The following SPDL1 variants were observed in gnomAD, a reference collection of about 807,000 sequenced individuals.
The protein encoded by SPDL1 is spindle apparatus coiled-coil protein 1.
A neutral mutation model predicts 79.5 loss-of-function variants in SPDL1; 85 were observed. The observed-to-expected ratio is 1.07, with a 90% confidence interval of 0.90 to 1.28. The LOEUF (loss-of-function observed/expected upper bound fraction) is 1.28, where lower values mean the gene tolerates loss of function less well. SPDL1 is among the 50% of genes most tolerant of loss of function. The pLI, the probability that SPDL1 is intolerant of heterozygous loss-of-function variation, is 0.00. For missense variants in SPDL1, 703 were observed against 697.8 expected, an observed-to-expected ratio of 1.01 and a Z score of -0.08; for synonymous variants, 269 against 240.3, an observed-to-expected ratio of 1.12 and a Z score of -1.10.
chr5:169,595,586 A>G (rs942231692), intron 7 of SPDL1: 5 of 152,184 alleles, frequency 3.3e-5, no homozygotes, highest in Non-Finnish European at 7.4e-5. Context: ...TTAATGAACA[A>G]CAGCTGTGAA....
intron 1 of SPDL1, among the ~76,000 whole-genome samples, chr5:169,587,894 T>C (rs1755068700): frequency 6.6e-6 from 1 of 152,116 alleles, no homozygotes; most frequent in Non-Finnish European, 1.5e-5. Context: ...TTTCTATTGA[T>C]TGATTGATTG....
intron 8 of SPDL1, among the ~76,000 whole-genome samples, chr5:169,597,936 G>C (rs1755675205): frequency 6.6e-6 from 1 of 151,844 alleles, no homozygotes; most frequent in Admixed American, 6.6e-5. Context: ...ACCTGAAATT[G>C]TTTCAAGTTT....
At chr5:169,598,420 T>G in intron 8 of SPDL1, 56 bp from the exon 9 acceptor site, 1 of 1,119,172 alleles carries the variant, frequency 8.9e-7, no homozygotes, top group South Asian at 1.3e-5. Context: ...TTAATAAACA[T>G]ACACTAACCT....
rs1037196148 is a variant in SPDL1, at chr5:169,598,516, C to G, written c.1073C>G (p.Ser358Cys). ...DSMESKPSVD[S>C]GTLEDNTYYT... is the part of the protein sequence containing the mutation. ...ATGGAATCTAAGCCTTCAGTCGACTCTGGTACTCTGGAAGATAACACCTAT... is the reference window on the plus strand; with the variant it reads ...ATGGAATCTAAGCCTTCAGTCGACTGTGGTACTCTGGAAGATAACACCTAT... Residue 358 changes from serine to cysteine, a missense_variant, in exon 9 of 12, where the codon TCT (serine) becomes TGT (cysteine). Ser to Cys is a moderately radical substitution (Grantham distance 112). Coordinates refer to ENST00000265295, the MANE Select transcript of SPDL1 (RefSeq NM_017785.5). 7 of 1,613,138 alleles carry G rather than the reference C, an allele frequency of 4.3e-6. No homozygotes were observed. Among genetic ancestry groups the G allele is most frequent in the Non-Finnish European group, 5.1e-6 (6 of 1,179,432 alleles).
chr5:169,592,359 A>C (rs10076196), intron 3 of SPDL1, among the ~76,000 whole-genome samples: 98,233 of 150,888 alleles, frequency 0.65, 32,270 homozygotes, highest in East Asian at 0.73. Flanking sequence ...CTGGGATTAC[A>C]GGTGTGCGCC....
At position 169,596,570 on chromosome 5, in the gene SPDL1, G is replaced by T. The variant is rs149818046; in HGVS notation, c.901G>T (p.Ala301Ser). ...EQMQRMKLQI[A>S]TLLQMKGSQT... ...AATTTTATTTTTCTAGTTACAAATT[G>T]CCACGTTGCTACAGATGAAAGGGTC... The change falls in exon 8 of 12, where the codon GCC becomes TCC. Residue 301 changes from alanine to serine, a missense_variant. Ala to Ser is a moderately conservative substitution (Grantham distance 99). Transcript: ENST00000265295. 6.6e-5 allele frequency: 107 copies of T among 1,609,248 alleles called. No individual in the cohort carries two copies. The highest frequency in any genetic ancestry group is 8.7e-5 in the Non-Finnish European group (102 of 1,178,518).
At chr5:169,590,854 A>G (rs1402125823) in intron 2 of SPDL1, 194 bp from the exon 3 acceptor site, 2 of 636,924 alleles carry the variant, frequency 3.1e-6, no homozygotes, top group African/African-American at 1.8e-5. Flanking sequence ...GGTTTAACAT[A>G]GTTTCGAAAT....
rs371615505 is a variant in SPDL1 at position 169,591,138 on chromosome 5, A to C, written c.250A>C (p.Lys84Gln). ...ESLSCECEAI[K>Q]QQQKMHLEKL... ...TTTGAGCTGCGAATGTGAAGCTATT[A>C]AACAACAACAAAAAATGCACCTGGA... The change falls in exon 3 of 12, where the codon AAA (lysine) becomes CAA (glutamine). Residue 84 changes from lysine (K) to glutamine (Q), a missense_variant. Physicochemically the swap from Lys to Gln is moderately conservative, Grantham distance 53 (BLOSUM62 1). Coordinates refer to ENST00000265295, the MANE Select transcript of SPDL1 (RefSeq NM_017785.5). 2 of 1,613,968 alleles carry C rather than the reference A, an allele frequency of 1.2e-6. No individual in the cohort carries two copies. The highest frequency in any genetic ancestry group is 1.7e-6 in the Non-Finnish European group (2 of 1,179,992).
chr5:169,588,493 A>G lies in SPDL1; in HGVS notation c.77A>G (p.Tyr26Cys). 6.2e-7 allele frequency: 1 copy of G among 1,613,968 alleles called. No individual in the cohort carries two copies. Among genetic ancestry groups the G allele is most frequent in the Non-Finnish European group, 8.5e-7 (1 of 1,179,876 alleles). ...GAAGAGCGACTAAAAGCTGCACAGT[A>G]TGGTTTACAACTAGTAGAGAGTCAA... ...AEEERLKAAQ[Y>C]GLQLVESQNE... The change falls in exon 2 of 12, where the codon TAT (tyrosine) becomes TGT (cysteine). Residue 26 changes from tyrosine (Y) to cysteine (C), a missense_variant. By Grantham distance (194) the Tyr-to-Cys change is radical (BLOSUM62 -2). Coordinates refer to ENST00000265295, the MANE Select transcript of SPDL1 (RefSeq NM_017785.5).
intron 2 of SPDL1, among the ~76,000 whole-genome samples, chr5:169,589,205 A>C (rs367628996): frequency 4.6e-5 from 7 of 152,304 alleles, no homozygotes; most frequent in East Asian, 1.9e-4. Flanking sequence ...ACTAGACTAC[A>C]AAGCATGTAT....
chr5:169,586,277 T>TAGC (rs1754981842), intron 1 of SPDL1: 1 of 152,268 alleles, frequency 6.6e-6, no homozygotes, highest in South Asian at 2.1e-4. Context: ...TTAATTGCCT[T>TAGC]AGCAGCAGCA....
At chr5:169,601,140 A>C in intron 10 of SPDL1, 140 bp from the exon 11 acceptor site, 1 of 663,908 alleles carries the variant, frequency 1.5e-6, no homozygotes, top group Non-Finnish European at 2.6e-6. Context: ...GGTAGAAACA[A>C]AGGATGCATT....
At chr5:169,590,560 C>T (rs1172208470) in intron 2 of SPDL1, among the ~76,000 whole-genome samples, 7 of 152,228 alleles carry the variant, frequency 4.6e-5, no homozygotes, top group Non-Finnish European at 8.8e-5. Flanking sequence ...GCTCTGCATT[C>T]ATTCTGATAG....
At chr5:169,593,715 C>T (rs1414396732) in intron 4 of SPDL1, among the ~76,000 whole-genome samples, 167 bp downstream of exon 4, 2 of 152,010 alleles carry the variant, frequency 1.3e-5, no homozygotes, top group Non-Finnish European at 2.9e-5. Context: ...TGGATGACTT[C>T]ATTCATAATA....
At chr5:169,598,301 A>G (rs1354768237) in intron 8 of SPDL1, among the ~76,000 whole-genome samples, 175 bp from the exon 9 acceptor site, 1 of 152,154 alleles carries the variant, frequency 6.6e-6, no homozygotes, top group Non-Finnish European at 1.5e-5. Flanking sequence ...CTTATCTGTA[A>G]GAGAGGAATG....
intron 8 of SPDL1, 84 bp from the exon 9 acceptor site, chr5:169,598,392 G>A: frequency 1.2e-6 from 1 of 842,196 alleles, no homozygotes. Flanking sequence ...ATAAATTCAG[G>A]AAGTGATGGT....
intron 11 of SPDL1, chr5:169,601,840 T>A: frequency 3.1e-6 from 2 of 637,750 alleles, no homozygotes; most frequent in Admixed American, 2.5e-5. Context: ...GCAATCACAT[T>A]AAAAAGTTAC....
chr5:169,598,346 T>G lies in SPDL1; in HGVS notation c.1033-130T>G, dbSNP rs192234646. 27 of 587,508 alleles carry G rather than the reference T, an allele frequency of 4.6e-5. No individual in the cohort carries two copies. The African/African-American group carries it at 4.9e-4, about 11-fold the overall frequency. The allele number at this position is 587,508 out of a possible 1,614,324, so 36.4% of individuals were successfully genotyped here. ...TACCTACTTCAGAAGGCAGATAAATTAAATGGGTAGTTCTTAGCGTAGTAC... is the reference window on the plus strand; with the variant it reads ...TACCTACTTCAGAAGGCAGATAAATGAAATGGGTAGTTCTTAGCGTAGTAC... On this transcript the variant is annotated intron_variant, in intron 8 of 11. Coordinates refer to ENST00000265295, the MANE Select transcript of SPDL1 (RefSeq NM_017785.5).
Position 169,601,765 on chromosome 5 carries a change from T to A in SPDL1, c.1670+140T>A, listed in dbSNP as rs973591954. The A allele has an allele frequency of 4.8e-6, 4 of 833,718 alleles. No individual in the cohort carries two copies. In the African/African-American group the frequency reaches 6.7e-5, roughly 14 times the overall value. 51.6% of individuals were successfully genotyped at this position (833,718 alleles called of 1,614,324 possible). ...AATTCCTCAGTTTCATCTACCTACC[T>A]TCAACTTTTCCAGAACTTTAAGAAA... On this transcript the variant is annotated intron_variant, in intron 11 of 11. Transcript: ENST00000265295.
Sources: gnomAD v4.1 joint callset for allele counts (sites outside exome capture counted in the v4.1 genomes callset) on GRCh38, gnomAD v4.1.1 for gene constraint, MANE v1.5 for transcripts, NCBI Gene and HGNC (gene_info 2026-07-23, HGNC 2026-07-21) for gene names.